Variants in ARHGAP9 observed in about 807,000 individuals in gnomAD.
The protein encoded by ARHGAP9 is Rho GTPase activating protein 9.
Under a neutral mutation model 87.3 loss-of-function variants are expected in ARHGAP9, and 76 were observed. The ratio of observed to expected loss-of-function variants is 0.87; its 90% CI spans 0.72 to 1.05. The LOEUF is 1.05. Among genes scored for constraint, ARHGAP9 ranks in the 50% least tolerant of loss-of-function variants. ARHGAP9 has a pLI of 0.00. For synonymous variants in ARHGAP9, 382 were observed against 394.9 expected (o/e 0.97, Z 0.39); for missense variants, 941 against 960.5 (o/e 0.98, Z 0.27).
chr12:57,476,824 G>A (rs778835551), intron 6 of ARHGAP9, 47 bp downstream of exon 6: 2 of 1,538,934 alleles, frequency 1.3e-6, no homozygotes, highest in South Asian at 1.1e-5. Context: ...AAGGGGGGAG[G>A]GGGGGCAGGG....
intron 10 of ARHGAP9, 52 bp downstream of exon 10, chr12:57,475,781 T>A: frequency 6.3e-7 from 1 of 1,596,830 alleles, no homozygotes; most frequent in African/African-American, 1.3e-5. Context: ...CCTACCCCAC[T>A]CCCTTGGTCC....
upstream of ARHGAP9, among the ~76,000 whole-genome samples, chr12:57,482,529 C>T (rs1051442184): frequency 2.6e-5 from 4 of 151,998 alleles, no homozygotes; most frequent in Non-Finnish European, 4.4e-5. Context: ...CGTGAGCCAC[C>T]GCGCCTGGCC....
In ARHGAP9 at chr12:57,475,395, C is replaced by A. The variant is rs748915979; in HGVS notation, c.1448G>T (p.Arg483Leu). 1 of 1,593,112 alleles carries A rather than the reference C, an allele frequency of 6.3e-7. No homozygotes were observed. Residue 483 changes from arginine (R) to leucine (L), a missense_variant, in exon 12 of 18, where the codon CGG becomes CTG. By Grantham distance (102) the Arg-to-Leu change is moderately radical. Coordinates refer to ENST00000393791, the MANE Select transcript of ARHGAP9 (RefSeq NM_032496.4). ...LRLSSRRSSI[R>L]GPEGTEQNRV... ...GTTCTGCTCGGTGCCTTCGGGCCCC[C>A]GAACTGCAGGAGGCAGGTAGAGCGG... is the stretch of plus-strand genomic sequence containing the variant.
chr12:57,482,543 A>C (rs1875099552), upstream of ARHGAP9, among the ~76,000 whole-genome samples: 2 of 151,874 alleles, frequency 1.3e-5, no homozygotes, highest in South Asian at 4.2e-4. Flanking sequence ...CCTGGCCAAA[A>C]ATTTTTTTTA....
rs1417185491 is a variant in ARHGAP9 at position 57,475,518 on chromosome 12, T to C, written c.1409A>G (p.Lys470Arg). The change falls in exon 11 of 18, where the codon AAG (lysine) becomes AGG (arginine). Residue 470 changes from lysine (K) to arginine (R), a missense_variant. Physicochemically the swap from Lys to Arg is conservative, Grantham distance 26. Coordinates refer to ENST00000393791, the MANE Select transcript of ARHGAP9 (RefSeq NM_032496.4). ...DEEEESELVS[K>R]PLLRLSSRRS... ...GCGGCTGCTGAGGCGCAGCAGCGGC[T>C]TGGACACCAGCTCCGACTCCTCTTC... 13 of 1,605,444 alleles carry C rather than the reference T, an allele frequency of 8.1e-6. No individual in the cohort carries two copies. Among genetic ancestry groups the C allele is most frequent in the Non-Finnish European group, 1.1e-5 (13 of 1,177,064 alleles).
upstream of ARHGAP9, chr12:57,479,974 G>C: frequency 7.4e-7 from 1 of 1,359,298 alleles, no homozygotes; most frequent in Non-Finnish European, 9.5e-7. Flanking sequence ...GACTCAGAGA[G>C]ACATGGTGAC....
chr12:57,482,935 A>G (rs533338964), upstream of ARHGAP9, among the ~76,000 whole-genome samples: 3 of 151,094 alleles, frequency 2.0e-5, no homozygotes, highest in Non-Finnish European at 4.4e-5. Context: ...CCCATCTCTA[A>G]TAAAAATACA....
chr12:57,472,828 A>C, intron 17 of ARHGAP9, 140 bp from the exon 18 acceptor site: 2 of 870,208 alleles, frequency 2.3e-6, no homozygotes, highest in Non-Finnish European at 3.6e-6. Flanking sequence ...CCAAGGAGAT[A>C]CAAGGAGAAT....
In ARHGAP9 at chr12:57,477,649, G is replaced by T; in HGVS notation, c.566C>A (p.Pro189His). Residue 189 changes from proline to histidine, a missense_variant, in exon 4 of 18, where the codon CCT becomes CAT. Pro to His is a moderately conservative substitution (Grantham distance 77). Coordinates refer to ENST00000393791, the MANE Select transcript of ARHGAP9 (RefSeq NM_032496.4). ...AGPQPLMSEP[P>H]VYCNLVDLRR... ...AAGGTCCACCAGGTTACAGTACACA[G>T]GGGGCTCTGACATGAGGGGCTGGGG... The T allele has an allele frequency of 1.2e-6, 2 of 1,612,990 alleles. No individual in the cohort carries two copies. The highest frequency in any genetic ancestry group is 1.7e-6 in the Non-Finnish European group (2 of 1,179,346).
chr12:57,486,705 GA>G (rs1875437624), intron 1 of ARHGAP9, among the ~76,000 whole-genome samples: 1 of 147,644 alleles, frequency 6.8e-6, no homozygotes, highest in Non-Finnish European at 1.5e-5. Flanking sequence ...CTAACACGGT[GA>G]AACCCCGTCT....
chr12:57,474,738 G>A (rs1438180350), intron 13 of ARHGAP9, 35 bp from the exon 14 acceptor site: 2 of 1,612,008 alleles, frequency 1.2e-6, no homozygotes, highest in South Asian at 1.1e-5. Context: ...AAGGACTGCT[G>A]CTTGAAAGTG....
chr12:57,475,325 G>C lies in ARHGAP9; in HGVS notation c.1518C>G (p.Pro506=). ...GACCCCGCTCCTGCAGGCTTTGTAA[G>C]GGCGGTCTCTTCGCGATGAGCCGCT... ...KLKRLIAKRP[P]LQSLQERGLL... The change falls in exon 12 of 18, where the codon CCC becomes CCG. Residue 506 remains proline (P), a synonymous_variant. Transcript: ENST00000393791. 6.2e-7 allele frequency: 1 copy of C among 1,602,340 alleles called. No homozygotes were observed. Among genetic ancestry groups the C allele is most frequent in the East Asian group, 2.2e-5 (1 of 44,660 alleles).
chr12:57,478,257 G>A lies in ARHGAP9; in HGVS notation c.534+283C>T, dbSNP rs113166962. The A allele has an allele frequency of 2.6e-5, 11 of 417,710 alleles. 2 individuals carry two copies. The highest frequency in any genetic ancestry group is 2.2e-4 in the African/African-American group (11 of 49,852). The allele number at this position is 417,710 out of a possible 1,614,324, so 25.9% of individuals were successfully genotyped here. ...GTGCCCTGTCCCCTCAGGGCCTTTG[G>A]TACCTACTGTCCCTTCTCACCTCCT... On this transcript the variant is annotated intron_variant, in intron 3 of 17. Transcript: ENST00000393791.
At chr12:57,476,821 G>T (rs748885872) in intron 6 of ARHGAP9, 50 bp downstream of exon 6, 3 of 1,507,500 alleles carry the variant, frequency 2.0e-6, no homozygotes, top group Non-Finnish European at 2.8e-6. Context: ...GAAAAGGGGG[G>T]AGGGGGGGCA....
At position 57,478,810 on chromosome 12, in the gene ARHGAP9, A is replaced by G. The variant is rs949451719; in HGVS notation, c.317-53T>C. On this transcript the variant is annotated intron_variant, in intron 2 of 17. Transcript: ENST00000393791. The stretch of plus-strand genomic sequence containing the variant: ...GGCAGGTGATCAGAGGTGTTGTTGT[A>G]ACTGGGTCCCTCATCTTGGGAACTC... 2.0e-6 allele frequency: 3 copies of G among 1,508,276 alleles called. No homozygotes were observed. In the Admixed American group the frequency reaches 6.1e-5, roughly 31 times the overall value. 93.4% of individuals were successfully genotyped at this position (1,508,276 alleles called of 1,614,324 possible). A position where few individuals can be genotyped will look rare whatever the true frequency, so the allele number is the denominator to read the frequency against.
In ARHGAP9 at chr12:57,478,695, C is replaced by T; in HGVS notation, c.379G>A (p.Ala127Thr). ...AGTGGAGGAGGCTGCTCCGAGCTAG[C>T]CTGAGCCCTGCTTGGGAGGGCCTGA... ...LSQALPSRAQ[A>T]SSEQPPPLPR... Residue 127 changes from alanine to threonine, a missense_variant, in exon 3 of 18, where the codon GCT becomes ACT. By Grantham distance (58) the Ala-to-Thr change is moderately conservative. Transcript: ENST00000393791. 6.2e-7 allele frequency: 1 copy of T among 1,614,124 alleles called. No homozygotes were observed. Among genetic ancestry groups the T allele is most frequent in the African/African-American group, 1.3e-5 (1 of 75,022 alleles).
intron 1 of ARHGAP9, 121 bp downstream of exon 1, chr12:57,479,609 G>A: frequency 6.5e-7 from 1 of 1,539,868 alleles, no homozygotes; most frequent in South Asian, 1.2e-5. Context: ...AGAACTCCTG[G>A]TGGTGTCTGG....
upstream of ARHGAP9, among the ~76,000 whole-genome samples, chr12:57,482,839 C>G (rs1875127816): frequency 6.8e-6 from 1 of 148,004 alleles, no homozygotes; most frequent in Non-Finnish European, 1.5e-5. Context: ...TCACATCCAG[C>G]TCAATCCCAG....
chr12:57,488,282 C>G, intron 1 of ARHGAP9: 1 of 1,326,352 alleles, frequency 7.5e-7, no homozygotes, highest in Non-Finnish European at 1.1e-6. Flanking sequence ...CTTTGCCAAA[C>G]CCCTAGCCCT....
Sources: gnomAD v4.1 joint callset for allele counts (sites outside exome capture counted in the v4.1 genomes callset) on GRCh38, gnomAD v4.1.1 for gene constraint, MANE v1.5 for transcripts, NCBI Gene and HGNC (gene_info 2026-07-23, HGNC 2026-07-21) for gene names.